The following IL1RAPL1 variants were observed in gnomAD, a reference collection of about 807,000 sequenced individuals.
IL1RAPL1 encodes interleukin-1 receptor accessory protein-like 1.
IL1RAPL1 carries 3 observed loss-of-function variants against 48.4 expected under a neutral mutation model. The observed-to-expected ratio is 0.06, with a 90% CI of 0.03 to 0.16. The LOEUF is 0.16. IL1RAPL1 is among the 10% of genes least tolerant of loss of function. The pLI, the probability that IL1RAPL1 is intolerant of heterozygous loss-of-function variation, is 1.00. For missense variants in IL1RAPL1, 349 were observed against 530.6 expected (o/e 0.66, Z 3.36); for synonymous variants, 185 against 187.7 (o/e 0.99, Z 0.12).
chrX:28,927,623 T>C (rs934704389), intron 2 of IL1RAPL1, among the ~76,000 whole-genome samples: 4 of 110,795 alleles, frequency 3.6e-5, no homozygotes, highest in Admixed American at 1.9e-4. Flanking sequence ...CCTTTTTTTT[T>C]TTTCTTTCTT....
chrX:29,369,788 T>C (rs1933519097), intron 3 of IL1RAPL1: 1 of 112,106 alleles, frequency 8.9e-6, no homozygotes, highest in South Asian at 3.7e-4. Flanking sequence ...AGAGAAGATG[T>C]AGAATATCTC....
At chrX:28,972,685 G>A (rs780920710) in intron 2 of IL1RAPL1, among the ~76,000 whole-genome samples, 7 of 111,483 alleles carry the variant, frequency 6.3e-5, no homozygotes, top group Admixed American at 2.8e-4. Context: ...CTTGGAGTGA[G>A]CCGAGATCGT....
At chrX:29,313,253 C>CTGTG (rs35894909) in intron 3 of IL1RAPL1, among the ~76,000 whole-genome samples, 1,771 of 90,757 alleles carry the variant, frequency 0.02, 16 homozygotes, top group South Asian at 0.045. Flanking sequence ...ACATACAAGC[C>CTGTG]TGTGTGTGTG....
chrX:29,712,722 G>A (rs1405380027), intron 6 of IL1RAPL1, among the ~76,000 whole-genome samples: 1 of 111,546 alleles, frequency 9.0e-6, no homozygotes, highest in East Asian at 2.8e-4. Context: ...GGTGCATTGT[G>A]GTAAAATATA....
At chrX:29,757,989 A>G (rs1388461340) in intron 6 of IL1RAPL1, among the ~76,000 whole-genome samples, 1 of 112,060 alleles carries the variant, frequency 8.9e-6, no homozygotes, top group Non-Finnish European at 1.9e-5. Flanking sequence ...GAAAAAATTC[A>G]ATCAATCATT....
intron 5 of IL1RAPL1, among the ~76,000 whole-genome samples, chrX:29,639,515 T>C (rs1027768365): frequency 1.1e-4 from 12 of 107,890 alleles, no homozygotes; most frequent in Non-Finnish European, 1.9e-4. Flanking sequence ...GCACTGACTT[T>C]TCAGAGTGGT....
At chrX:29,836,315 C>T (rs760360525) in intron 6 of IL1RAPL1, among the ~76,000 whole-genome samples, 74 of 108,528 alleles carry the variant, frequency 6.8e-4, no homozygotes, top group Non-Finnish European at 1.3e-3. Flanking sequence ...CCCAGCCTCC[C>T]GAGTAGCTGG....
intron 2 of IL1RAPL1, among the ~76,000 whole-genome samples, chrX:28,888,855 C>A (rs779763261): frequency 9.1e-6 from 1 of 110,268 alleles, no homozygotes; most frequent in Non-Finnish European, 1.9e-5. Context: ...ATTATGATAT[C>A]ATTGAAAGGA....
At chrX:28,843,145 T>C (rs748733227) in intron 2 of IL1RAPL1, among the ~76,000 whole-genome samples, 1 of 111,518 alleles carries the variant, frequency 9.0e-6, no homozygotes, top group South Asian at 3.7e-4. Flanking sequence ...TTCTGTCTTA[T>C]AAAAATTATC....
At chrX:29,333,686 T>G (rs757628084) in intron 3 of IL1RAPL1, among the ~76,000 whole-genome samples, 104 of 31,378 alleles carry the variant, frequency 3.3e-3, no homozygotes, top group African/African-American at 4.9e-3. Flanking sequence ...CCTCCCGGAC[T>G]GGGTGGCTGG....
At chrX:29,076,853 T>C (rs1029354618) in intron 2 of IL1RAPL1, among the ~76,000 whole-genome samples, 13 of 97,877 alleles carry the variant, frequency 1.3e-4, no homozygotes, top group Non-Finnish European at 1.7e-4. Flanking sequence ...AGTGATAGAT[T>C]AAGTATATGA....
intron 2 of IL1RAPL1, among the ~76,000 whole-genome samples, chrX:29,278,269 T>C (rs1729080506): frequency 1.8e-5 from 2 of 112,272 alleles, no homozygotes; most frequent in Admixed American, 1.9e-4. Context: ...ATATTGATAA[T>C]AGCCAATATA....
Position 29,287,709 on chromosome X carries a change from C to T in IL1RAPL1, c.362+4492C>T, listed in dbSNP as rs142371705. Among the ~76,000 whole-genome samples the T allele has an allele frequency of 3.5e-3, 397 of 112,205 alleles. 2 individuals carry two copies. In the East Asian group the frequency reaches 0.049, roughly 14 times the overall value. ...GTTGATTTGCCATCTCTCTTCTTGT[C>T]AGTAAAATGTCCATATTTTTGTACA... On this transcript the variant is annotated intron_variant, in intron 3 of 10. Coordinates refer to ENST00000378993, the MANE Select transcript of IL1RAPL1 (RefSeq NM_014271.4).
At chrX:29,071,257 T>C (rs950061620) in intron 2 of IL1RAPL1, among the ~76,000 whole-genome samples, 1 of 111,461 alleles carries the variant, frequency 9.0e-6, no homozygotes, top group Non-Finnish European at 1.9e-5. Flanking sequence ...CAGAAGGTCA[T>C]TGGGTCAGGC....
At chrX:29,315,044 G>T (rs2147621470) in intron 3 of IL1RAPL1, among the ~76,000 whole-genome samples, 1 of 111,621 alleles carries the variant, frequency 9.0e-6, no homozygotes, top group African/African-American at 3.3e-5. Flanking sequence ...TGAAACTGAT[G>T]CTTGACCTGG....
At chrX:28,880,314 A>G (rs1290392247) in intron 2 of IL1RAPL1, among the ~76,000 whole-genome samples, 1 of 111,953 alleles carries the variant, frequency 8.9e-6, no homozygotes, top group African/African-American at 3.2e-5. Flanking sequence ...ATGGAATCCA[A>G]CCTCCCACAC....
chrX:28,862,666 G>A (rs1006292015), intron 2 of IL1RAPL1, among the ~76,000 whole-genome samples: 5 of 111,291 alleles, frequency 4.5e-5, no homozygotes, highest in East Asian at 2.8e-4. Flanking sequence ...TTGCCCAAGC[G>A]CTTATTAGGA....
intron 2 of IL1RAPL1, among the ~76,000 whole-genome samples, chrX:29,172,473 A>T (rs1011128589): frequency 1.8e-5 from 2 of 111,770 alleles, no homozygotes; most frequent in African/African-American, 6.5e-5. Flanking sequence ...TTTGGGTTAC[A>T]TATAGACAGT....
chrX:29,212,024 C>T (rs911630547), intron 2 of IL1RAPL1, among the ~76,000 whole-genome samples: 2 of 111,145 alleles, frequency 1.8e-5, no homozygotes, highest in Non-Finnish European at 3.8e-5. Flanking sequence ...TGCTACTCAA[C>T]ATCTCTAACA....
Sources: allele counts gnomAD v4.1 joint callset (sites outside exome capture counted in the v4.1 genomes callset), GRCh38; gene constraint gnomAD v4.1.1; transcripts MANE v1.5; gene names NCBI Gene and HGNC (gene_info 2026-07-23, HGNC 2026-07-21).